Variants in SNX29 observed in about 807,000 individuals in gnomAD.
The protein encoded by SNX29 is sorting nexin-29.
SNX29 carries 78 observed loss-of-function variants against 102.1 expected under a neutral mutation model. The ratio of observed to expected loss-of-function variants is 0.76; its 90% CI spans 0.64 to 0.92. SNX29 has a LOEUF of 0.92. Among genes scored for constraint, SNX29 ranks in the 40% least tolerant of loss-of-function variants. The probability of loss-of-function intolerance (pLI) is 0.00; values close to 1 mark genes in which losing one functional copy is unlikely to be tolerated. For synonymous variants in SNX29, 580 were observed against 414.5 expected, an observed-to-expected ratio of 1.40 and a Z score of -4.85; for missense variants, 1,280 against 1,061.7, an observed-to-expected ratio of 1.21 and a Z score of -2.86.
At chr16:12,450,540 C>T (rs1446362910) in intron 18 of SNX29, among the ~76,000 whole-genome samples, 3 of 152,202 alleles carry the variant, frequency 2.0e-5, no homozygotes, top group African/African-American at 7.2e-5. Context: ...GAATGAGGTG[C>T]TCTGATTGGC....
At chr16:12,541,070 T>C (rs2077313080) in intron 20 of SNX29, among the ~76,000 whole-genome samples, 2 of 152,162 alleles carry the variant, frequency 1.3e-5, no homozygotes, top group Admixed American at 1.3e-4. Flanking sequence ...CCTGAGTTAT[T>C]GACTAGCTGC....
chr16:12,543,470 C>A (rs755805240), intron 20 of SNX29, among the ~76,000 whole-genome samples: 1 of 152,212 alleles, frequency 6.6e-6, no homozygotes, highest in Non-Finnish European at 1.5e-5. Context: ...TGGTGAACAG[C>A]TGTCAGTAAA....
At chr16:12,193,023 T>C (rs2076683049) in intron 13 of SNX29, among the ~76,000 whole-genome samples, 1 of 151,914 alleles carries the variant, frequency 6.6e-6, no homozygotes, top group Non-Finnish European at 1.5e-5. Context: ...TTTGTAGAGA[T>C]GTGATCTTGC....
intron 14 of SNX29, among the ~76,000 whole-genome samples, chr16:12,232,953 C>T (rs925496443): frequency 2.2e-4 from 33 of 152,230 alleles, no homozygotes; most frequent in African/African-American, 8.0e-4. Flanking sequence ...AACTTGTCCT[C>T]CCAAGCCCCA....
intron 10 of SNX29, among the ~76,000 whole-genome samples, chr16:12,073,092 A>C (rs1470817726): frequency 6.6e-6 from 1 of 151,626 alleles, no homozygotes; most frequent in Non-Finnish European, 1.5e-5. Flanking sequence ...ACGGTCTATC[A>C]ATTTTGTTGA....
At chr16:12,059,517 A>C (rs350213) in intron 8 of SNX29, among the ~76,000 whole-genome samples, 111,764 of 152,142 alleles carry the variant, frequency 0.73, 41,572 homozygotes, top group African/African-American at 0.82. Context: ...GTCTTGCAAA[A>C]TTCTGCTAGG....
At chr16:12,439,190 G>A (rs966496713) in intron 18 of SNX29, among the ~76,000 whole-genome samples, 2 of 152,200 alleles carry the variant, frequency 1.3e-5, no homozygotes, top group Admixed American at 6.5e-5. Flanking sequence ...GCCTTGCAAT[G>A]GGAAGCAGCC....
intron 14 of SNX29, among the ~76,000 whole-genome samples, chr16:12,248,315 C>A (rs900282565): frequency 6.6e-6 from 1 of 152,150 alleles, no homozygotes; most frequent in African/African-American, 2.4e-5. Context: ...TGGTCCCTTG[C>A]TCTTGCTTCC....
chr16:12,548,569 G>A (rs2077757608), intron 20 of SNX29, among the ~76,000 whole-genome samples: 1 of 152,174 alleles, frequency 6.6e-6, no homozygotes, highest in African/African-American at 2.4e-5. Context: ...CTATGATGCT[G>A]GCTTCCCTGT....
chr16:12,219,928 G>T (rs578124842), intron 14 of SNX29, among the ~76,000 whole-genome samples: 4 of 152,272 alleles, frequency 2.6e-5, no homozygotes, highest in Admixed American at 1.3e-4. Flanking sequence ...GCGCACACAC[G>T]TGTACACACA....
intron 14 of SNX29, among the ~76,000 whole-genome samples, chr16:12,238,563 A>G (rs2078007821): frequency 6.6e-6 from 1 of 152,112 alleles, no homozygotes; most frequent in African/African-American, 2.4e-5. Flanking sequence ...ACCTCAAGTG[A>G]TCCGCCCGCC....
At chr16:12,341,710 C>T (rs934940188) in intron 15 of SNX29, among the ~76,000 whole-genome samples, 3 of 152,164 alleles carry the variant, frequency 2.0e-5, no homozygotes, top group Admixed American at 2.0e-4. Flanking sequence ...CGCCAGCAGT[C>T]CTATGCTATG....
At position 12,290,081 on chromosome 16, in the gene SNX29, A is replaced by G. The variant is rs75048958; in HGVS notation, c.1782+12045A>G. 3.0e-4 allele frequency among the ~76,000 whole-genome samples: 46 copies of G among 152,254 alleles called. 3 individuals carry two copies. The East Asian group carries it at 8.9e-3, about 29-fold the overall frequency. On this transcript the variant is annotated intron_variant, in intron 15 of 20. Coordinates refer to ENST00000566228, the MANE Select transcript of SNX29 (RefSeq NM_032167.5). The stretch of plus-strand genomic sequence containing the variant: ...TTAATGCATGTAGACGGGCAATGAC[A>G]AACTACTCTGGGCCCAGTCTACTTG...
chr16:12,033,429 A>G (rs545101246), intron 4 of SNX29, among the ~76,000 whole-genome samples: 1 of 151,702 alleles, frequency 6.6e-6, no homozygotes, highest in African/African-American at 2.4e-5. Flanking sequence ...CATAATTGCC[A>G]TCCTAATGGG....
intron 15 of SNX29, among the ~76,000 whole-genome samples, chr16:12,287,388 T>G (rs1288739765): frequency 1.3e-5 from 2 of 152,204 alleles, no homozygotes; most frequent in Non-Finnish European, 1.5e-5. Context: ...TTTTTAAATT[T>G]TTTTTTTAAC....
chr16:11,990,507 C>T (rs1027899735), intron 1 of SNX29, among the ~76,000 whole-genome samples: 3 of 152,098 alleles, frequency 2.0e-5, no homozygotes, highest in Non-Finnish European at 4.4e-5. Flanking sequence ...CCCTTTCTGC[C>T]CCCCTCCTCC....
chr16:12,572,506 C>A lies in SNX29; in HGVS notation c.*3877C>A. 1 of 1,064,088 alleles carries A rather than the reference C, an allele frequency of 9.4e-7. No individual in the cohort carries two copies. The highest frequency in any genetic ancestry group is 1.1e-6 in the Non-Finnish European group (1 of 878,472). 65.9% of individuals were successfully genotyped at this position (1,064,088 alleles called of 1,614,324 possible). The stretch of plus-strand genomic sequence containing the variant: ...CTTGGGGTTCCAGGCCTCGGCCTTC[C>A]TGCTCCACGTGCTCAAGCCCCCACA... On this transcript the variant is annotated 3_prime_UTR_variant, in exon 21 of 21. Transcript: ENST00000566228.
rs531458488 is a variant in SNX29 at position 12,569,747 on chromosome 16, C to T, written c.*1118C>T. 8.7e-6 allele frequency: 2 copies of T among 230,514 alleles called. No homozygotes were observed. Among genetic ancestry groups the T allele is most frequent in the Non-Finnish European group, 1.7e-5 (2 of 116,432 alleles). 14.3% of individuals were successfully genotyped at this position (230,514 alleles called of 1,614,324 possible). ...CTGGGCAGCCCCCAGGGCTCCTCCT[C>T]CAGTGAGCTCACATCAGAGCACCTC... On this transcript the variant is annotated 3_prime_UTR_variant, in exon 21 of 21. Transcript: ENST00000566228.
intron 15 of SNX29, among the ~76,000 whole-genome samples, chr16:12,321,474 G>A (rs1198206334): frequency 6.6e-6 from 1 of 152,178 alleles, no homozygotes; most frequent in Non-Finnish European, 1.5e-5. Flanking sequence ...TGTGTCAAGG[G>A]CATATGACGT....
Sources: gnomAD v4.1 joint callset for allele counts (sites outside exome capture counted in the v4.1 genomes callset) on GRCh38, gnomAD v4.1.1 for gene constraint, MANE v1.5 for transcripts, NCBI Gene and HGNC (gene_info 2026-07-23, HGNC 2026-07-21) for gene names.